IQCE: variants seen among roughly 807,000 people sequenced by gnomAD.
IQCE encodes IQ domain-containing protein E.
IQCE carries 115 observed loss-of-function variants against 96.0 expected under a neutral mutation model. The ratio of observed to expected loss-of-function variants is 1.20; its 90% CI spans 1.03 to 1.40. The LOEUF (loss-of-function observed/expected upper bound fraction) is 1.40, where lower values mean the gene tolerates loss of function less well. Among genes scored for constraint, IQCE ranks in the 40% most tolerant of loss-of-function variants. The pLI, the probability that IQCE is intolerant of heterozygous loss-of-function variation, is 0.00. For missense variants in IQCE, 1,041 were observed against 909.1 expected, an observed-to-expected ratio of 1.15 and a Z score of -1.87; for synonymous variants, 412 against 371.2, an observed-to-expected ratio of 1.11 and a Z score of -1.26.
At chr7:2,584,106 A>G in intron 10 of IQCE, 130 bp from the exon 11 acceptor site, 1 of 825,486 alleles carries the variant, frequency 1.2e-6, no homozygotes, top group Admixed American at 1.8e-5. Flanking sequence ...CAACGGAAAG[A>G]TGAAGTGCGG....
At chr7:2,584,821 A>T (rs1415937752) in intron 11 of IQCE, among the ~76,000 whole-genome samples, 1 of 151,788 alleles carries the variant, frequency 6.6e-6, no homozygotes, top group Non-Finnish European at 1.5e-5. Flanking sequence ...CTTTTTCTTT[A>T]CCCCTAATCC....
At chr7:2,565,084 G>A (rs1781260557) in intron 1 of IQCE, among the ~76,000 whole-genome samples, 1 of 148,024 alleles carries the variant, frequency 6.8e-6, no homozygotes. Context: ...GAGTGCATGT[G>A]TGCGTGTGTG....
chr7:2,561,098 C>G (rs1231284908), intron 1 of IQCE, among the ~76,000 whole-genome samples: 2 of 108,744 alleles, frequency 1.8e-5, no homozygotes, highest in East Asian at 4.6e-4. Flanking sequence ...GCTGGGACTA[C>G]AGGCGCCTGC....
rs1781441027 is a variant in IQCE, at chr7:2,567,183, A to T, written c.84+20A>T. ...GAGACGGTGAGTGCCGCTGGGTGTC[A>T]GCCGTGCGACCTCGGGCTGGTTGCG... On this transcript the variant is annotated intron_variant, in intron 2 of 21. Coordinates refer to ENST00000402050, the MANE Select transcript of IQCE (RefSeq NM_152558.5). 1 of 1,610,524 alleles carries T rather than the reference A, an allele frequency of 6.2e-7. No homozygotes were observed. Among genetic ancestry groups the T allele is most frequent in the Non-Finnish European group, 8.5e-7 (1 of 1,177,468 alleles).
At chr7:2,581,839 A>G (rs1782690482) in intron 8 of IQCE, among the ~76,000 whole-genome samples, 2 of 151,404 alleles carry the variant, frequency 1.3e-5, no homozygotes, top group South Asian at 4.2e-4. Flanking sequence ...CCTCCCGAGT[A>G]GCTGGGACTA....
At position 2,598,586 on chromosome 7, in the gene IQCE, CCG is replaced by C. The variant is rs1304044102; in HGVS notation, c.1565_1566del (p.Ala522GlyfsTer22). 1 of 1,602,404 alleles carries C rather than the reference CCG, an allele frequency of 6.2e-7. No individual in the cohort carries two copies. Among genetic ancestry groups the C allele is most frequent in the Non-Finnish European group, 8.5e-7 (1 of 1,174,984 alleles). ...CCCTGCTCTGATGGGAGAAGAGACG[CCG>C]CGGCCAGAGTCCTGCAGGCCCAGTG... On this transcript the variant is annotated frameshift_variant, in exon 17 of 22. Coordinates refer to ENST00000402050, the MANE Select transcript of IQCE (RefSeq NM_152558.5). LOFTEE classifies it high-confidence loss of function.
At chr7:2,596,177 C>T (rs12111646) in intron 16 of IQCE, among the ~76,000 whole-genome samples, 1 of 151,890 alleles carries the variant, frequency 6.6e-6, no homozygotes, top group African/African-American at 2.4e-5. Flanking sequence ...GAAGATCGCT[C>T]GAGCCCAGGA....
chr7:2,589,818 T>C lies in IQCE; in HGVS notation c.1045-89T>C, dbSNP rs1783437431. 13 of 1,296,702 alleles carry C rather than the reference T, an allele frequency of 1.0e-5. No homozygotes were observed. In the Admixed American group the frequency reaches 2.3e-4, roughly 22 times the overall value. 80.3% of individuals were successfully genotyped at this position (1,296,702 alleles called of 1,614,324 possible). A position where few individuals can be genotyped will look rare whatever the true frequency, so the allele number is the denominator to read the frequency against. On this transcript the variant is annotated intron_variant, in intron 13 of 21. Coordinates refer to ENST00000402050, the MANE Select transcript of IQCE (RefSeq NM_152558.5). ...TCATGGCCCTGCTGGAGACTCAGTT[T>C]GCCCTGGTTCAGTGTCTCTTTTCTG...
chr7:2,607,345 A>G, intron 21 of IQCE, 118 bp downstream of exon 21: 1 of 1,467,178 alleles, frequency 6.8e-7, no homozygotes. Context: ...GGAGTGTCCC[A>G]TCTGGAGCTG....
chr7:2,595,776 G>GCGC, intron 16 of IQCE, among the ~76,000 whole-genome samples: 3 of 149,854 alleles, frequency 2.0e-5, no homozygotes, highest in South Asian at 2.1e-4. Flanking sequence ...ACCATGGCCG[G>GCGC]TGCTGCACTT....
In IQCE at chr7:2,613,005, G is replaced by C. The variant is rs181929053; in HGVS notation, c.*2843G>C. On this transcript the variant is annotated 3_prime_UTR_variant, in exon 22 of 22. Coordinates refer to ENST00000402050, the MANE Select transcript of IQCE (RefSeq NM_152558.5). ...GACGTTGGTGGCAGGTGTTGTTCACGGTGTACTGATTGTCACTGCAACACC... is the reference window on the plus strand; with the variant it reads ...GACGTTGGTGGCAGGTGTTGTTCACCGTGTACTGATTGTCACTGCAACACC... 1.3e-5 allele frequency: 2 copies of C among 152,256 alleles called. No homozygotes were observed. The highest frequency in any genetic ancestry group is 4.8e-5 in the African/African-American group (2 of 41,446). 9.4% of individuals were successfully genotyped at this position (152,256 alleles called of 1,614,324 possible). A position where few individuals can be genotyped will look rare whatever the true frequency, so the allele number is the denominator to read the frequency against.
In IQCE at chr7:2,593,093, A is replaced by G. The variant is rs1200215313; in HGVS notation, c.1316A>G (p.Glu439Gly). 20 of 1,612,286 alleles carry G rather than the reference A, an allele frequency of 1.2e-5. No homozygotes were observed. Among genetic ancestry groups the G allele is most frequent in the Non-Finnish European group, 1.4e-5 (16 of 1,178,686 alleles). The change falls in exon 15 of 22, where the codon GAG (glutamate) becomes GGG (glycine). Residue 439 changes from glutamate to glycine, a missense_variant. Glu to Gly is a moderately conservative substitution (Grantham distance 98). Transcript: ENST00000402050. ...GAGCTGGAGTGCGCGAGGGAGGGCGAGGAGGAGAGGAGAGAGCGAGAGGAG... is the reference window on the plus strand; with the variant it reads ...GAGCTGGAGTGCGCGAGGGAGGGCGGGGAGGAGAGGAGAGAGCGAGAGGAG... ...EKELECAREG[E>G]EERREREEVL...
intron 3 of IQCE, among the ~76,000 whole-genome samples, chr7:2,570,766 A>T (rs1450398680): frequency 1.3e-5 from 2 of 152,214 alleles, no homozygotes; most frequent in Non-Finnish European, 2.9e-5. Context: ...CCTTACTTTC[A>T]TACAAAATCA....
In IQCE at chr7:2,610,205, G is replaced by A; in HGVS notation, c.*43G>A. The A allele has an allele frequency of 8.7e-7, 1 of 1,155,888 alleles. No individual in the cohort carries two copies. The allele number at this position is 1,155,888 out of a possible 1,614,324, so 71.6% of individuals were successfully genotyped here. A position where few individuals can be genotyped will look rare whatever the true frequency, so the allele number is the denominator to read the frequency against. ...CACGCCGTGATGGCAGCGCTGCCGA[G>A]GACATAGGAACCACGACTGGAAAGA... On this transcript the variant is annotated 3_prime_UTR_variant, in exon 22 of 22. Transcript: ENST00000402050.
In IQCE at chr7:2,609,399, G is replaced by A. The variant is rs560724673; in HGVS notation, c.1970-645G>A. Among the ~76,000 whole-genome samples the A allele has an allele frequency of 6.3e-3, 949 of 151,210 alleles. 11 individuals carry two copies. Among genetic ancestry groups the A allele is most frequent in the African/African-American group, 0.022 (890 of 41,122 alleles). On this transcript the variant is annotated intron_variant, in intron 21 of 21. Coordinates refer to ENST00000402050, the MANE Select transcript of IQCE (RefSeq NM_152558.5). Reference sequence around the variant, plus strand: ...GGGTTCAAGCCACCCTCCCACCTCGGCCTCCAGAGTCCTGGGGTTACAGGC... The same window carrying A: ...GGGTTCAAGCCACCCTCCCACCTCGACCTCCAGAGTCCTGGGGTTACAGGC...
At position 2,590,039 on chromosome 7, in the gene IQCE, C is replaced by G. The variant is rs768260639; in HGVS notation, c.1177C>G (p.Leu393Val). Reference protein sequence around the residue: ...RGDRNKDHERLRGAVRDLKEE... With the variant: ...RGDRNKDHERVRGAVRDLKEE... ...GGACCGCAACAAGGACCACGAGCGTCTCCGAGGGGCTGTGAGAGACCTGAA... is the reference window on the plus strand; with the variant it reads ...GGACCGCAACAAGGACCACGAGCGTGTCCGAGGGGCTGTGAGAGACCTGAA... The change falls in exon 14 of 22, where the codon CTC becomes GTC. Residue 393 changes from leucine (L) to valine (V), a missense_variant. Transcript: ENST00000402050. 1 of 1,613,696 alleles carries G rather than the reference C, an allele frequency of 6.2e-7. No individual in the cohort carries two copies. The highest frequency in any genetic ancestry group is 1.1e-5 in the South Asian group (1 of 91,076).
At chr7:2,597,077 C>T (rs1784095681) in intron 16 of IQCE, 3 of 471,024 alleles carry the variant, frequency 6.4e-6, no homozygotes, top group African/African-American at 2.0e-5. Flanking sequence ...CAGGAGGCGG[C>T]AGGGTCGTGC....
At chr7:2,586,016 T>C (rs1348857756) in intron 11 of IQCE, among the ~76,000 whole-genome samples, 192 bp from the exon 12 acceptor site, 3 of 100,592 alleles carry the variant, frequency 3.0e-5, no homozygotes, top group Non-Finnish European at 6.8e-5. Flanking sequence ...GGGGTTCCAT[T>C]TTGGGTGCTA....
chr7:2,563,924 C>T (rs923669287), intron 1 of IQCE, among the ~76,000 whole-genome samples: 1 of 146,482 alleles, frequency 6.8e-6, no homozygotes, highest in Non-Finnish European at 1.5e-5. Context: ...AAATTTCACT[C>T]ATCAGCCGGG....
Sources: gnomAD v4.1 joint callset for allele counts (sites outside exome capture counted in the v4.1 genomes callset) on GRCh38, gnomAD v4.1.1 for gene constraint, MANE v1.5 for transcripts, NCBI Gene and HGNC (gene_info 2026-07-23, HGNC 2026-07-21) for gene names.